The following CDH18 variants were observed in gnomAD, a reference collection of about 807,000 sequenced individuals.
CDH18 encodes cadherin-18.
Under a neutral mutation model 67.9 loss-of-function variants are expected in CDH18, and 31 were observed. The observed-to-expected ratio is 0.46, with a 90% CI of 0.34 to 0.62. The LOEUF (loss-of-function observed/expected upper bound fraction) is 0.62, where lower values mean the gene tolerates loss of function less well. CDH18 is among the 20% of genes least tolerant of loss of function. CDH18 has a pLI of 0.01. For missense variants in CDH18, 890 were observed against 975.5 expected (o/e 0.91, Z 1.17); for synonymous variants, 362 against 347.2 (o/e 1.04, Z -0.48).
intron 1 of CDH18, among the ~76,000 whole-genome samples, chr5:19,981,407 G>C (rs1236029647): frequency 8.4e-6 from 1 of 118,658 alleles, no homozygotes; most frequent in Non-Finnish European, 2.1e-5. Context: ...ACCACAGAAA[G>C]AATAATTTAT....
At chr5:20,147,029 G>T (rs1331220994) in intron 2 of CDH18, among the ~76,000 whole-genome samples, 1 of 152,028 alleles carries the variant, frequency 6.6e-6, no homozygotes, top group Non-Finnish European at 1.5e-5. Context: ...CTTCTAAGAG[G>T]TTACTCACAG....
chr5:19,971,733 CAATT>C (rs1050613582), intron 2 of CDH18, among the ~76,000 whole-genome samples: 2 of 151,712 alleles, frequency 1.3e-5, no homozygotes, highest in Non-Finnish European at 2.9e-5. Flanking sequence ...TCAAGAAAAA[CAATT>C]AATGAGTACT....
At chr5:20,567,285 G>A (rs2126662892) in intron 1 of CDH18, among the ~76,000 whole-genome samples, 1 of 152,226 alleles carries the variant, frequency 6.6e-6, no homozygotes, top group Middle Eastern at 3.4e-3. Flanking sequence ...TCAAATAAAT[G>A]CTTTTTAGAA....
chr5:19,481,790 T>A (rs1290358713), intron 12 of CDH18, among the ~76,000 whole-genome samples: 1 of 152,166 alleles, frequency 6.6e-6, no homozygotes, highest in Non-Finnish European at 1.5e-5. Flanking sequence ...AATACCTCTT[T>A]CTCAGAAAAA....
chr5:19,509,891 A>AT (rs759051627), intron 10 of CDH18, among the ~76,000 whole-genome samples: 29 of 150,308 alleles, frequency 1.9e-4, no homozygotes, highest in African/African-American at 4.1e-4. Flanking sequence ...ATACTAAAAG[A>AT]TTTTTTTTTT....
At chr5:20,556,007 TAG>T (rs905635968) in intron 1 of CDH18, among the ~76,000 whole-genome samples, 7 of 152,170 alleles carry the variant, frequency 4.6e-5, no homozygotes, top group South Asian at 2.1e-4. Context: ...AGCTAAAAAA[TAG>T]AGAGTCACCA....
chr5:19,834,821 T>C (rs1781440680), intron 3 of CDH18, among the ~76,000 whole-genome samples: 1 of 152,112 alleles, frequency 6.6e-6, no homozygotes, highest in Non-Finnish European at 1.5e-5. Context: ...GAAATTGAAA[T>C]TGCATGATTT....
chr5:19,593,169 T>A (rs961895247), intron 6 of CDH18, among the ~76,000 whole-genome samples: 3 of 152,194 alleles, frequency 2.0e-5, no homozygotes, highest in South Asian at 2.1e-4. Flanking sequence ...TTCGATTTTT[T>A]AAATAAATAC....
intron 1 of CDH18, among the ~76,000 whole-genome samples, chr5:20,447,510 A>G (rs1000539406): frequency 6.6e-6 from 1 of 152,158 alleles, no homozygotes; most frequent in African/African-American, 2.4e-5. Flanking sequence ...GCAGAGACCA[A>G]TTCTCACTAG....
intron 10 of CDH18, among the ~76,000 whole-genome samples, chr5:19,509,865 A>T (rs2126818318): frequency 6.6e-6 from 1 of 151,952 alleles, no homozygotes; most frequent in East Asian, 1.9e-4. Context: ...TCTTTTTAAT[A>T]TTTTTCTCAG....
chr5:19,651,562 GAC>G (rs1194199984), intron 5 of CDH18, among the ~76,000 whole-genome samples: 1 of 151,944 alleles, frequency 6.6e-6, no homozygotes, highest in African/African-American at 2.4e-5. Flanking sequence ...TTTAATCAGA[GAC>G]AGTATTTCAT....
At position 19,845,507 on chromosome 5, in the gene CDH18, A is replaced by G. The variant is rs1048394372; in HGVS notation, c.-256-6265T>C. Reference sequence around the variant, plus strand: ...TTGATGCAGTTGGGTGTAATGTTCCATATATGTCTGTTAAAGCCATTTGGT... The same window carrying G: ...TTGATGCAGTTGGGTGTAATGTTCCGTATATGTCTGTTAAAGCCATTTGGT... On this transcript the variant is annotated intron_variant, in intron 2 of 12. Coordinates refer to ENST00000382275, the MANE Select transcript of CDH18 (RefSeq NM_004934.5). 2.6e-5 allele frequency among the ~76,000 whole-genome samples: 4 copies of G among 152,214 alleles called. No homozygotes were observed. The East Asian group carries it at 7.7e-4, about 29-fold the overall frequency.
chr5:19,866,677 T>A (rs762434315), intron 2 of CDH18, among the ~76,000 whole-genome samples: 3 of 152,164 alleles, frequency 2.0e-5, no homozygotes, highest in Non-Finnish European at 2.9e-5. Flanking sequence ...TCTCATTTTG[T>A]CTCTATCAAC....
chr5:19,821,737 G>A (rs1292341248), intron 3 of CDH18, among the ~76,000 whole-genome samples: 3 of 152,036 alleles, frequency 2.0e-5, no homozygotes, highest in African/African-American at 7.3e-5. Context: ...CTTACAAAGG[G>A]AACCCCATCA....
At chr5:20,208,103 A>C (rs561770667) in intron 2 of CDH18, among the ~76,000 whole-genome samples, 10 of 152,244 alleles carry the variant, frequency 6.6e-5, no homozygotes, top group Non-Finnish European at 1.2e-4. Context: ...CGAGTAAATT[A>C]TAAGGAAAAG....
At chr5:20,263,015 A>C in intron 1 of CDH18, among the ~76,000 whole-genome samples, 1 of 61,126 alleles carries the variant, frequency 1.6e-5, no homozygotes, top group Non-Finnish European at 3.0e-5. Flanking sequence ...GAGGGAGGGG[A>C]GGGAAGGGGA....
chr5:20,313,927 A>G (rs1737229668), intron 1 of CDH18, among the ~76,000 whole-genome samples: 1 of 152,018 alleles, frequency 6.6e-6, no homozygotes, highest in South Asian at 2.1e-4. Context: ...TTGCTGCCAA[A>G]ATACGAGTTA....
chr5:20,428,960 T>C (rs1748534326), intron 1 of CDH18, among the ~76,000 whole-genome samples: 1 of 152,172 alleles, frequency 6.6e-6, no homozygotes, highest in Non-Finnish European at 1.5e-5. Flanking sequence ...GCGTTTTTAC[T>C]GAGTGAAGAT....
intron 2 of CDH18, among the ~76,000 whole-genome samples, chr5:20,233,485 T>C (rs1742234069): frequency 6.6e-6 from 1 of 151,966 alleles, no homozygotes; most frequent in South Asian, 2.1e-4. Context: ...CTATAAATAA[T>C]ATTCTATTTT....
Sources: gnomAD v4.1 joint callset for allele counts (sites outside exome capture counted in the v4.1 genomes callset) on GRCh38, gnomAD v4.1.1 for gene constraint, MANE v1.5 for transcripts, NCBI Gene and HGNC (gene_info 2026-07-23, HGNC 2026-07-21) for gene names.